Variants in CUL5 observed in about 807,000 individuals in gnomAD.
CUL5 encodes the protein cullin-5.
In CUL5, 26 loss-of-function variants were observed where a neutral mutation model predicts 108.8. That is an observed-to-expected ratio of 0.24 (90% CI 0.18 to 0.33). The LOEUF (loss-of-function observed/expected upper bound fraction) is 0.33. CUL5 is among the 10% of genes least tolerant of loss of function. The probability of loss-of-function intolerance (pLI) is 1.00; values close to 1 mark genes in which losing one functional copy is unlikely to be tolerated. For missense variants in CUL5, 524 were observed against 909.2 expected (o/e 0.58, Z 5.45); for synonymous variants, 334 against 298.0 (o/e 1.12, Z -1.25).
intron 10 of CUL5, among the ~76,000 whole-genome samples, chr11:108,074,911 C>G (rs1278142001): frequency 6.6e-6 from 1 of 152,112 alleles, no homozygotes; most frequent in African/African-American, 2.4e-5. Flanking sequence ...AATTGAGTAG[C>G]CTGCAAAGGC....
At chr11:108,042,925 G>A (rs1188537362) in intron 2 of CUL5, among the ~76,000 whole-genome samples, 1 of 151,922 alleles carries the variant, frequency 6.6e-6, no homozygotes, top group East Asian at 1.9e-4. Context: ...ACCACGCCTG[G>A]CTAATTTTTG....
At chr11:108,054,820 A>G (rs768352677) in intron 6 of CUL5, 28 bp downstream of exon 6, 1 of 1,603,110 alleles carries the variant, frequency 6.2e-7, no homozygotes, top group Non-Finnish European at 8.5e-7. Flanking sequence ...ATATGTGATA[A>G]TTTGAGCAAT....
chr11:108,025,275 CT>C (rs1039362304), intron 1 of CUL5, among the ~76,000 whole-genome samples: 1 of 151,846 alleles, frequency 6.6e-6, no homozygotes, highest in Admixed American at 6.6e-5. Context: ...GGGTCAGCTT[CT>C]TTTGGTGATT....
chr11:108,101,489 C>T (rs545251476), intron 18 of CUL5, among the ~76,000 whole-genome samples: 2 of 152,220 alleles, frequency 1.3e-5, no homozygotes, highest in African/African-American at 2.4e-5. Flanking sequence ...TCTTACTGAG[C>T]TCTTGAAGCC....
chr11:108,053,461 T>A (rs1057473760), intron 5 of CUL5, among the ~76,000 whole-genome samples: 2 of 152,216 alleles, frequency 1.3e-5, no homozygotes, highest in African/African-American at 4.8e-5. Flanking sequence ...CATATTCTTT[T>A]AGTTATCAAG....
At position 108,009,060 on chromosome 11, in the gene CUL5, A is replaced by T. The variant is rs1565479134; in HGVS notation, c.-289A>T. 3 of 496,912 alleles carry T rather than the reference A, an allele frequency of 6.0e-6. No homozygotes were observed. The highest frequency in any genetic ancestry group is 1.1e-5 in the Non-Finnish European group (3 of 278,764). 30.8% of individuals were successfully genotyped at this position (496,912 alleles called of 1,614,324 possible). A position where few individuals can be genotyped will look rare whatever the true frequency, so the allele number is the denominator to read the frequency against. ...GAGTCGATGCTTCCTCTTCCAAGTC[A>T]GGTCGGCTCCCGTTACCTTCTCAGC... On this transcript the variant is annotated 5_prime_UTR_variant, in exon 1 of 19. Coordinates refer to ENST00000393094, the MANE Select transcript of CUL5 (RefSeq NM_003478.6).
chr11:108,094,771 A>G (rs1864448245), intron 14 of CUL5, 41 bp from the exon 15 acceptor site: 1 of 1,413,990 alleles, frequency 7.1e-7, no homozygotes. Context: ...AATTTTATCC[A>G]TTGTTAATTT....
intron 7 of CUL5, among the ~76,000 whole-genome samples, chr11:108,056,750 A>G (rs1221111979): frequency 6.6e-6 from 1 of 152,194 alleles, no homozygotes; most frequent in African/African-American, 2.4e-5. Flanking sequence ...GCAGTAATTC[A>G]GGCAAGGTAT....
chr11:108,037,951 T>C (rs550581057), intron 2 of CUL5, among the ~76,000 whole-genome samples: 1 of 152,218 alleles, frequency 6.6e-6, no homozygotes, highest in Non-Finnish European at 1.5e-5. Context: ...GAATTATAGA[T>C]GTATAATTGC....
In CUL5 at chr11:108,059,812, A is replaced by G. The variant is rs1233093317; in HGVS notation, c.780+4857A>G. Among the ~76,000 whole-genome samples, 7 of 151,524 alleles carry G rather than the reference A, an allele frequency of 4.6e-5. No homozygotes were observed. The East Asian group carries it at 1.2e-3, about 25-fold the overall frequency. On this transcript the variant is annotated intron_variant, in intron 7 of 18. Coordinates refer to ENST00000393094, the MANE Select transcript of CUL5 (RefSeq NM_003478.6). ...GGCAGGAGAATCGCTTGAACCCAGG[A>G]GGCGGAGGTTGCAGTAAGGAGAGAT...
chr11:108,081,911 T>C (rs976746090), intron 11 of CUL5, among the ~76,000 whole-genome samples: 18 of 152,248 alleles, frequency 1.2e-4, no homozygotes, highest in Non-Finnish European at 5.9e-5. Context: ...TGTTTCAAGT[T>C]GGTTCTTTTT....
In CUL5 at chr11:108,011,519, T is replaced by C. The variant is rs368556298; in HGVS notation, c.24+2147T>C. Among the ~76,000 whole-genome samples the C allele has an allele frequency of 7.6e-4, 116 of 152,208 alleles. 2 individuals are homozygous for C. Among genetic ancestry groups the C allele is most frequent in the African/African-American group, 2.7e-3 (112 of 41,536 alleles). On this transcript the variant is annotated intron_variant, in intron 1 of 18. Transcript: ENST00000393094. ...ACAAATAAAGGGAAGGTGATAATAT[T>C]TTGAAAAAAAGTAAGTGACTCAGTG...
intron 1 of CUL5, among the ~76,000 whole-genome samples, chr11:108,013,817 C>T (rs1220057077): frequency 6.6e-6 from 1 of 151,960 alleles, no homozygotes; most frequent in East Asian, 1.9e-4. Flanking sequence ...GCCTGTAATC[C>T]CAGCACTTTG....
At chr11:108,084,138 T>TTGG (rs1467962524) in intron 11 of CUL5, among the ~76,000 whole-genome samples, 1 of 152,156 alleles carries the variant, frequency 6.6e-6, no homozygotes, top group East Asian at 1.9e-4. Context: ...TCCAAGTTAT[T>TTGG]TGGGAGACTT....
chr11:108,079,546 C>T (rs922137441), intron 11 of CUL5, among the ~76,000 whole-genome samples: 15 of 152,170 alleles, frequency 9.9e-5, no homozygotes, highest in Non-Finnish European at 2.2e-4. Flanking sequence ...CATCAGTAAC[C>T]TTTAGTCCCT....
intron 1 of CUL5, among the ~76,000 whole-genome samples, chr11:108,024,012 AT>A (rs1862395514): frequency 6.6e-6 from 1 of 152,120 alleles, no homozygotes; most frequent in Admixed American, 6.5e-5. Flanking sequence ...TTGTCACTAA[AT>A]TTTTATAATC....
chr11:108,084,850 CAT>C (rs1418355226), intron 11 of CUL5: 1 of 152,164 alleles, frequency 6.6e-6, no homozygotes, highest in Non-Finnish European at 1.5e-5. Context: ...AAATTGGAAT[CAT>C]ATTGTTGGTG....
intron 2 of CUL5, among the ~76,000 whole-genome samples, chr11:108,042,637 A>C (rs766703608): frequency 6.6e-6 from 1 of 152,112 alleles, no homozygotes; most frequent in Non-Finnish European, 1.5e-5. Flanking sequence ...CAACTATTCC[A>C]GGAAGCCTTT....
At chr11:108,046,706 C>A (rs1863077787) in intron 3 of CUL5, among the ~76,000 whole-genome samples, 1 of 152,118 alleles carries the variant, frequency 6.6e-6, no homozygotes, top group South Asian at 2.1e-4. Flanking sequence ...ACTAATACCT[C>A]TTCTCAAGTT....
Sources: allele counts gnomAD v4.1 joint callset (sites outside exome capture counted in the v4.1 genomes callset), GRCh38; gene constraint gnomAD v4.1.1; transcripts MANE v1.5; gene names NCBI Gene and HGNC (gene_info 2026-07-23, HGNC 2026-07-21).